The following MYCBP2 variants were observed in gnomAD, a reference collection of about 807,000 sequenced individuals.
MYCBP2 encodes MYC binding protein 2, also known as E3 ubiquitin-protein ligase MYCBP2.
Under a neutral mutation model 525.3 loss-of-function variants are expected in MYCBP2, and 120 were observed. The observed-to-expected ratio is 0.23, with a 90% confidence interval of 0.20 to 0.27. MYCBP2 has a LOEUF of 0.27. MYCBP2 is among the 10% of genes least tolerant of loss of function. The pLI, the probability that MYCBP2 is intolerant of heterozygous loss-of-function variation, is 1.00. For synonymous variants in MYCBP2, 1,894 were observed against 1,955.8 expected (o/e 0.97, Z 0.83); for missense variants, 4,149 against 5,657.1 (o/e 0.73, Z 8.55).
rs969503193 is a variant in MYCBP2, at chr13:77,166,623, T to C, written c.6115-69A>G. 4 of 1,019,950 alleles carry C rather than the reference T, an allele frequency of 3.9e-6. No homozygotes were observed. In the African/African-American group the frequency reaches 4.8e-5, roughly 12 times the overall value. The allele number at this position is 1,019,950 out of a possible 1,614,324, so 63.2% of individuals were successfully genotyped here. A position where few individuals can be genotyped will look rare whatever the true frequency, so the allele number is the denominator to read the frequency against. Reference sequence around the variant, plus strand: ...ACACAAACATACACATCTGCATCTGTATGTGTGTGTGTGTCTATGCTTTTA... The same window carrying C: ...ACACAAACATACACATCTGCATCTGCATGTGTGTGTGTGTCTATGCTTTTA... On this transcript the variant is annotated intron_variant, in intron 40 of 82. Transcript: ENST00000544440.
intron 55 of MYCBP2, among the ~76,000 whole-genome samples, chr13:77,102,516 C>T (rs1218105377): frequency 1.3e-5 from 2 of 151,284 alleles, no homozygotes; most frequent in East Asian, 3.9e-4. Context: ...TTAAATAATA[C>T]TTTAAGACAA....
intron 76 of MYCBP2, among the ~76,000 whole-genome samples, chr13:77,059,949 C>A (rs1330198559): frequency 6.6e-6 from 1 of 151,860 alleles, no homozygotes; most frequent in Non-Finnish European, 1.5e-5. Flanking sequence ...TGCACAATAC[C>A]ATAAAAAATA....
At chr13:77,269,243 C>T (rs1406187192) in intron 7 of MYCBP2, among the ~76,000 whole-genome samples, 1 of 152,188 alleles carries the variant, frequency 6.6e-6, no homozygotes, top group African/African-American at 2.4e-5. Context: ...GTAGGCCAAA[C>T]ACTGTTTCCT....
At chr13:77,131,742 T>A (rs1256050155) in intron 52 of MYCBP2, among the ~76,000 whole-genome samples, 3 of 152,174 alleles carry the variant, frequency 2.0e-5, no homozygotes, top group Admixed American at 6.6e-5. Flanking sequence ...AAATAACATT[T>A]CATTCTCAAA....
In MYCBP2 at chr13:77,243,862, C is replaced by T. The variant is rs760601740; in HGVS notation, c.2471G>A (p.Arg824Lys). Residue 824 changes from arginine to lysine, a missense_variant, in exon 16 of 83, where the codon AGA (arginine) becomes AAA (lysine). Transcript: ENST00000544440. Reference sequence around the variant, plus strand: ...CACTGCATCAAGAATTCCTCTTTGTCTTGCCTCTTGACCATCTAACTCTCT... The same window carrying T: ...CACTGCATCAAGAATTCCTCTTTGTTTTGCCTCTTGACCATCTAACTCTCT... ...CARELDGQEA[R>K]QRGILDAVKE... is the part of the protein sequence containing the mutation. 1.2e-6 allele frequency: 2 copies of T among 1,612,934 alleles called. No individual in the cohort carries two copies. Among genetic ancestry groups the T allele is most frequent in the South Asian group, 2.2e-5 (2 of 91,018 alleles).
intron 50 of MYCBP2, 46 bp downstream of exon 50, chr13:77,140,800 A>T (rs2054488801): frequency 2.1e-6 from 3 of 1,396,936 alleles, no homozygotes; most frequent in Middle Eastern, 1.8e-4. Context: ...TCAGTGACAA[A>T]CGTAAAAATT....
chr13:77,083,320 C>A (rs1403135094), intron 62 of MYCBP2, 128 bp from the exon 63 acceptor site: 1 of 780,348 alleles, frequency 1.3e-6, no homozygotes, highest in Non-Finnish European at 1.9e-6. Context: ...CAAATTGTAC[C>A]CAGAAAGATA....
chr13:77,088,766 G>A lies in MYCBP2; in HGVS notation c.10725+66C>T, dbSNP rs74859810. ...TTTCTGTTGGTAAAAAAGTGGCATC[G>A]TGAAATAGAATCATCACATGATTTG... is the stretch of plus-strand genomic sequence containing the variant. On this transcript the variant is annotated intron_variant, in intron 61 of 82. Coordinates refer to ENST00000544440, the MANE Select transcript of MYCBP2 (RefSeq NM_015057.5). 5.6e-3 allele frequency: 7,842 copies of A among 1,394,098 alleles called. 46 individuals are homozygous for A. The highest frequency in any genetic ancestry group is 0.033 in the East Asian group (1,413 of 42,822). The allele number at this position is 1,394,098 out of a possible 1,614,324, so 86.4% of individuals were successfully genotyped here.
chr13:77,245,377 T>G (rs1266480630), intron 15 of MYCBP2, among the ~76,000 whole-genome samples: 1 of 152,124 alleles, frequency 6.6e-6, no homozygotes, highest in Non-Finnish European at 1.5e-5. Context: ...AATGATAGGT[T>G]GGATAAAGAA....
chr13:77,188,120 A>T (rs1428561811), intron 30 of MYCBP2, among the ~76,000 whole-genome samples: 4 of 151,856 alleles, frequency 2.6e-5, no homozygotes. Context: ...ACCAAAATGT[A>T]AATAGTAGGT....
chr13:77,225,377 A>G lies in MYCBP2; in HGVS notation c.2857+58T>C, dbSNP rs533073215. On this transcript the variant is annotated intron_variant, in intron 19 of 82. Coordinates refer to ENST00000544440, the MANE Select transcript of MYCBP2 (RefSeq NM_015057.5). Reference sequence around the variant, plus strand: ...GGCTATGTTCATCAAATCTGAAGAAATAAGTTACTGAGCACAATTGTAAAA... The same window carrying G: ...GGCTATGTTCATCAAATCTGAAGAAGTAAGTTACTGAGCACAATTGTAAAA... The G allele has an allele frequency of 6.9e-6, 11 of 1,605,152 alleles. No homozygotes were observed. In the South Asian group the frequency reaches 7.7e-5, roughly 11 times the overall value.
rs1021706127 is a variant in MYCBP2, at chr13:77,250,201, C to T, written c.2381+950G>A. On this transcript the variant is annotated intron_variant, in intron 15 of 82. Transcript: ENST00000544440. The stretch of plus-strand genomic sequence containing the variant: ...TCCCGCCACTGCACTCCAGCCTGGG[C>T]GACAGAGCGAGACTCCGTCTCAAAA... Among the ~76,000 whole-genome samples the T allele has an allele frequency of 7.7e-5, 11 of 142,588 alleles. No individual in the cohort carries two copies. In the East Asian group the frequency reaches 1.6e-3, roughly 21 times the overall value. The allele number at this position is 142,588 out of a possible 152,430, so 93.5% of individuals were successfully genotyped here. A position where few individuals can be genotyped will look rare whatever the true frequency, so the allele number is the denominator to read the frequency against.
chr13:77,296,457 G>A (rs560067801), intron 2 of MYCBP2, 142 bp downstream of exon 2: 42 of 860,216 alleles, frequency 4.9e-5, no homozygotes, highest in Admixed American at 8.1e-5. Context: ...ACTAAAAGAG[G>A]AACCAAATCA....
intron 26 of MYCBP2, among the ~76,000 whole-genome samples, chr13:77,197,625 G>C (rs947921211): frequency 3.9e-5 from 6 of 152,328 alleles, no homozygotes; most frequent in Admixed American, 3.9e-4. Context: ...TGTGAAGAAA[G>C]AGGGCCTAGG....
In MYCBP2 at chr13:77,070,656, C is replaced by T. The variant is rs759237311; in HGVS notation, c.11879G>A (p.Ser3960Asn). 3 of 1,609,220 alleles carry T rather than the reference C, an allele frequency of 1.9e-6. No homozygotes were observed. The highest frequency in any genetic ancestry group is 2.2e-5 in the South Asian group (2 of 90,500). Residue 3960 changes from serine to asparagine, a missense_variant, in exon 69 of 83, where the codon AGT (serine) becomes AAT (asparagine). Physicochemically the swap from Ser to Asn is conservative, Grantham distance 46. Around this residue, in one of 21 missense-constraint regions of MYCBP2, gnomAD observed 3 missense variants for 25.4 expected, o/e 0.12. Transcript: ENST00000544440. ...CTGTTTTTGTAAGTTAGTCAGCTTA[C>T]TCCTGCTGAATATGATTCCAACCAT... is the stretch of plus-strand genomic sequence containing the variant. ...EHMVGIIFSR[S>N]KLTNLQKQVC...
intron 1 of MYCBP2, among the ~76,000 whole-genome samples, chr13:77,308,121 CA>C (rs1340754445): frequency 6.6e-6 from 1 of 152,204 alleles, no homozygotes; most frequent in Admixed American, 6.5e-5. Context: ...AGTTCTCTAT[CA>C]AGGTACATCT....
Position 77,251,241 on chromosome 13 carries a change from T to A in MYCBP2, c.2291A>T (p.Glu764Val). Residue 764 changes from glutamate to valine, a missense_variant, in exon 15 of 83, where the codon GAG (glutamate) becomes GTG (valine). Glu to Val is a moderately radical substitution (Grantham distance 121, BLOSUM62 -2). Transcript: ENST00000544440. ...CPPGMHKWKL[E>V]QCMVCTVCGD... Reference sequence around the variant, plus strand: ...ACAGACAGTGCAAACCATGCACTGCTCCAGCTTCCATTTGTGCATGCCTGG... The same window carrying A: ...ACAGACAGTGCAAACCATGCACTGCACCAGCTTCCATTTGTGCATGCCTGG... 2 of 1,614,194 alleles carry A rather than the reference T, an allele frequency of 1.2e-6. No individual in the cohort carries two copies. The highest frequency in any genetic ancestry group is 8.5e-7 in the Non-Finnish European group (1 of 1,180,028).
chr13:77,166,304 A>T lies in MYCBP2; in HGVS notation c.6340+25T>A, dbSNP rs776963936. 3.3e-6 allele frequency: 5 copies of T among 1,505,852 alleles called. No homozygotes were observed. In the Admixed American group the frequency reaches 9.9e-5, roughly 30 times the overall value. 93.3% of individuals were successfully genotyped at this position (1,505,852 alleles called of 1,614,324 possible). A position where few individuals can be genotyped will look rare whatever the true frequency, so the allele number is the denominator to read the frequency against. Reference sequence around the variant, plus strand: ...CATAAATGCACTTATTTTACCACATAAAACAGAAGAAAAAAAAAACTTACC... The same window carrying T: ...CATAAATGCACTTATTTTACCACATTAAACAGAAGAAAAAAAAAACTTACC... On this transcript the variant is annotated intron_variant, in intron 41 of 82. Transcript: ENST00000544440.
chr13:77,057,938 T>C (rs864850), intron 78 of MYCBP2, among the ~76,000 whole-genome samples: 4,468 of 150,560 alleles, frequency 0.03, 89 homozygotes, highest in Middle Eastern at 0.078. Context: ...CCTGGCTTCA[T>C]GCCATTCTCC....
Sources: allele counts gnomAD v4.1 joint callset (sites outside exome capture counted in the v4.1 genomes callset), GRCh38; gene constraint gnomAD v4.1.1; regional missense constraint gnomAD v4.1.1; transcripts MANE v1.5; gene names NCBI Gene and HGNC (gene_info 2026-07-23, HGNC 2026-07-21).